PDE4D: variants seen among roughly 807,000 people sequenced by gnomAD.
PDE4D encodes the protein 3',5'-cyclic-AMP phosphodiesterase 4D.
PDE4D carries 24 observed loss-of-function variants against 87.4 expected under a neutral mutation model. The observed-to-expected ratio is 0.27, with a 90% confidence interval of 0.20 to 0.39. PDE4D has a LOEUF of 0.39. PDE4D is among the 10% of genes least tolerant of loss of function. The pLI is 1.00. For missense variants in PDE4D, 714 were observed against 1,041.0 expected (o/e 0.69, Z 4.32); for synonymous variants, 384 against 383.2 (o/e 1.00, Z -0.02).
intron 1 of PDE4D, among the ~76,000 whole-genome samples, chr5:59,627,701 A>G (rs1190404481): frequency 6.6e-6 from 1 of 152,200 alleles, no homozygotes; most frequent in Non-Finnish European, 1.5e-5. Context: ...TAGTTTTATA[A>G]AATATAGATT....
rs7700437 is a variant in PDE4D at position 60,501,269 on chromosome 5, C to A, written n.70+20782G>T. Among the ~76,000 whole-genome samples, 168 of 151,870 alleles carry A rather than the reference C, an allele frequency of 1.1e-3. 1 individual carries two copies. Among genetic ancestry groups the A allele is most frequent in the Non-Finnish European group, 2.1e-3 (142 of 67,988 alleles). Reference sequence around the variant, plus strand: ...TGAGGTGTTTGGTTTTTTGTTCTTGCGATAGTTTACTGAGAATGATGATTT... The same window carrying A: ...TGAGGTGTTTGGTTTTTTGTTCTTGAGATAGTTTACTGAGAATGATGATTT... On this transcript the variant is annotated intron_variant and non_coding_transcript_variant, in intron 1 of 2. Coordinates refer to the PDE4D transcript ENST00000506510.
At chr5:59,871,710 A>G (rs901127226) in intron 1 of PDE4D, among the ~76,000 whole-genome samples, 13 of 152,308 alleles carry the variant, frequency 8.5e-5, no homozygotes, top group African/African-American at 3.1e-4. Context: ...CCATCAAGGG[A>G]GAAAAAGCCA....
chr5:60,136,154 TA>T (rs1336412537), intron 2 of PDE4D, among the ~76,000 whole-genome samples: 1 of 152,184 alleles, frequency 6.6e-6, no homozygotes, highest in Non-Finnish European at 1.5e-5. Context: ...TAGATAGACT[TA>T]TCACATATTT....
At chr5:58,990,994 T>G in intron 8 of PDE4D, 92 bp from the exon 9 acceptor site, 1 of 765,098 alleles carries the variant, frequency 1.3e-6, no homozygotes, top group Non-Finnish European at 2.1e-6. Flanking sequence ...TTACAGACCT[T>G]AGGTGGCCGG....
At chr5:59,103,370 G>A (rs1771077979) in intron 5 of PDE4D, among the ~76,000 whole-genome samples, 1 of 152,218 alleles carries the variant, frequency 6.6e-6, no homozygotes, top group African/African-American at 2.4e-5. Context: ...GGTCAAGATT[G>A]CAAACTGGCA....
intron 1 of PDE4D, among the ~76,000 whole-genome samples, chr5:59,764,626 T>C (rs980462108): frequency 1.3e-5 from 2 of 151,312 alleles, no homozygotes; most frequent in Non-Finnish European, 2.9e-5. Context: ...AATAACAGGA[T>C]GTTTACTTAA....
intron 1 of PDE4D, among the ~76,000 whole-genome samples, chr5:59,449,105 T>C (rs559368490): frequency 6.6e-6 from 1 of 152,296 alleles, no homozygotes; most frequent in East Asian, 1.9e-4. Context: ...CATAAAAGCA[T>C]AAAAATACCA....
At chr5:59,062,703 G>GTTT (rs34248179) in intron 5 of PDE4D, among the ~76,000 whole-genome samples, 11,784 of 137,556 alleles carry the variant, frequency 0.086, 648 homozygotes, top group Middle Eastern at 0.13. Context: ...AATGCATGTG[G>GTTT]TTTTTTTTTT....
At chr5:59,232,827 TAC>T (rs750492331) in intron 1 of PDE4D, among the ~76,000 whole-genome samples, 3,604 of 99,850 alleles carry the variant, frequency 0.036, 130 homozygotes, top group African/African-American at 0.12. Flanking sequence ...TATATATATA[TAC>T]ACACACACAT....
intron 1 of PDE4D, among the ~76,000 whole-genome samples, chr5:60,289,485 C>T (rs932623649): frequency 6.6e-6 from 1 of 152,116 alleles, no homozygotes; most frequent in African/African-American, 2.4e-5. Context: ...TTTCTCTCAT[C>T]ACAGCCCCAA....
intron 2 of PDE4D, among the ~76,000 whole-genome samples, chr5:60,041,218 G>A (rs1768442081): frequency 6.6e-6 from 1 of 152,042 alleles, no homozygotes; most frequent in Non-Finnish European, 1.5e-5. Flanking sequence ...AATTTTGGTC[G>A]ATAGTCACGG....
chr5:60,347,686 G>C (rs58512371), intron 1 of PDE4D, among the ~76,000 whole-genome samples: 15,984 of 152,052 alleles, frequency 0.11, 1,667 homozygotes, highest in African/African-American at 0.27. Flanking sequence ...CACAAGTCTA[G>C]ACAGCTAAAA....
At chr5:59,246,979 A>C (rs1353015494) in intron 1 of PDE4D, among the ~76,000 whole-genome samples, 1 of 152,146 alleles carries the variant, frequency 6.6e-6, no homozygotes, top group East Asian at 1.9e-4. Flanking sequence ...GTTTTGTAAA[A>C]GTTTCAGTTA....
chr5:59,730,768 A>G (rs1757261243), intron 1 of PDE4D, among the ~76,000 whole-genome samples: 1 of 152,132 alleles, frequency 6.6e-6, no homozygotes, highest in Non-Finnish European at 1.5e-5. Context: ...TGCCATATAG[A>G]CTTTGTGTGA....
chr5:60,320,558 C>T (rs1756153101), intron 1 of PDE4D, among the ~76,000 whole-genome samples: 1 of 152,170 alleles, frequency 6.6e-6, no homozygotes, highest in African/African-American at 2.4e-5. Context: ...AGAAATCACC[C>T]ATCTTCTGCA....
intron 7 of PDE4D, among the ~76,000 whole-genome samples, chr5:58,992,944 G>A (rs920878414): frequency 3.9e-5 from 6 of 152,004 alleles, no homozygotes; most frequent in Non-Finnish European, 7.4e-5. Context: ...TATTTTATCT[G>A]CCCACCAGTT....
At chr5:60,066,232 T>G (rs7720686) in intron 2 of PDE4D, among the ~76,000 whole-genome samples, 43,528 of 152,068 alleles carry the variant, frequency 0.29, 7,108 homozygotes, top group East Asian at 0.74. Flanking sequence ...ATAAATGTCT[T>G]CTTTTGAGAA....
chr5:59,658,111 AG>A (rs11349481), intron 1 of PDE4D, among the ~76,000 whole-genome samples: 4,599 of 152,310 alleles, frequency 0.03, 230 homozygotes, highest in African/African-American at 0.11. Flanking sequence ...AACGTAAAAA[AG>A]AATAATTACA....
chr5:60,144,391 T>C (rs867052536), intron 2 of PDE4D, among the ~76,000 whole-genome samples: 2 of 152,180 alleles, frequency 1.3e-5, no homozygotes, highest in Non-Finnish European at 2.9e-5. Flanking sequence ...TTCTTTCTAT[T>C]GCTCATCATC....
Sources: allele counts gnomAD v4.1 joint callset (sites outside exome capture counted in the v4.1 genomes callset), GRCh38; gene constraint gnomAD v4.1.1; transcripts MANE v1.5; gene names NCBI Gene and HGNC (gene_info 2026-07-23, HGNC 2026-07-21).